DIS3: variants seen among roughly 807,000 people sequenced by gnomAD.
DIS3 encodes the protein exosome complex exonuclease RRP44.
Under a neutral mutation model 113.0 loss-of-function variants are expected in DIS3, and 103 were observed. That is an observed-to-expected ratio of 0.91 (90% CI 0.78 to 1.07). DIS3 has a LOEUF of 1.07. Ranked by LOEUF, DIS3 falls within the 50% of genes least tolerant of loss-of-function variation. The pLI is 0.00. For missense variants in DIS3, 1,121 were observed against 1,167.1 expected, an observed-to-expected ratio of 0.96 and a Z score of 0.58; for synonymous variants, 402 against 394.3, an observed-to-expected ratio of 1.02 and a Z score of -0.23.
chr13:72,761,953 A>G lies in DIS3; in HGVS notation c.2312T>C (p.Ile771Thr), dbSNP rs756881985. Reference sequence around the variant, plus strand: ...AATGGGTGAAGTAAAATGTGTGTATATTGGAGACGCTAAGCCATAGTGATG... The same window carrying G: ...AATGGGTGAAGTAAAATGTGTGTATGTTGGAGACGCTAAGCCATAGTGATG... ...DFHHYGLASP[I>T]YTHFTSPIRR... is the part of the protein sequence containing the mutation. The change falls in exon 17 of 21, where the codon ATA becomes ACA. Residue 771 changes from isoleucine to threonine, a missense_variant. Transcript: ENST00000377767. 4.3e-6 allele frequency: 7 copies of G among 1,614,058 alleles called. No homozygotes were observed. Among genetic ancestry groups the G allele is most frequent in the Middle Eastern group, 1.6e-4 (1 of 6,084 alleles).
intron 19 of DIS3, 77 bp from the exon 20 acceptor site, chr13:72,760,728 T>C (rs2138148345): frequency 6.6e-7 from 1 of 1,507,482 alleles, no homozygotes; most frequent in East Asian, 2.3e-5. Flanking sequence ...ACAATTTATC[T>C]TACATAGTAG....
rs2033340664 is a variant in DIS3 at position 72,753,576 on chromosome 13, T to C, written c.*6219A>G. On this transcript the variant is annotated 3_prime_UTR_variant, in exon 21 of 21. Transcript: ENST00000377767. ...TGAATTTTGTTCAACATGATCAATA[T>C]TACATGTTAGGATCATTCAGATGTA... is the stretch of plus-strand genomic sequence containing the variant. 9.1e-7 allele frequency: 1 copy of C among 1,102,640 alleles called. No individual in the cohort carries two copies. The highest frequency in any genetic ancestry group is 1.3e-6 in the Non-Finnish European group (1 of 772,282). The allele number at this position is 1,102,640 out of a possible 1,614,324, so 68.3% of individuals were successfully genotyped here.
At chr13:72,762,236 G>T in intron 16 of DIS3, 99 bp from the exon 17 acceptor site, 2 of 1,087,118 alleles carry the variant, frequency 1.8e-6, no homozygotes, top group Non-Finnish European at 2.6e-6. Context: ...CAAACATCAT[G>T]TTTTTGTTAT....
At chr13:72,776,121 G>T in intron 4 of DIS3, 29 bp from the exon 5 acceptor site, 1 of 1,566,982 alleles carries the variant, frequency 6.4e-7, no homozygotes, top group Non-Finnish European at 8.6e-7. Flanking sequence ...AAAAGATGCC[G>T]CTAATAAGTC....
intron 2 of DIS3, among the ~76,000 whole-genome samples, chr13:72,778,633 T>A (rs1351035699): frequency 6.6e-6 from 1 of 152,168 alleles, no homozygotes; most frequent in East Asian, 1.9e-4. Context: ...ACAATTTTAT[T>A]TCCTAAAAAG....
chr13:72,781,620 A>T lies in DIS3; in HGVS notation c.213T>A (p.Asn71Lys). The change falls in exon 1 of 21, where the codon AAT becomes AAA. Residue 71 changes from asparagine to lysine, a missense_variant. Asn to Lys is a moderately conservative substitution (Grantham distance 94). Around this residue, in one of 3 missense-constraint regions of DIS3, gnomAD observed 254 missense variants for 232.2 expected, o/e 1.09. Coordinates refer to ENST00000377767, the MANE Select transcript of DIS3 (RefSeq NM_014953.5). ...PQPHYLLPDTNVLLHQIDVLE... is the reference protein window; with the variant it reads ...PQPHYLLPDTKVLLHQIDVLE... The stretch of plus-strand genomic sequence containing the variant: ...GCCCACGCACCTGGTGCAGTAACAC[A>T]TTAGTGTCGGGCAGCAAGTAGTGCG... 6.5e-7 allele frequency: 1 copy of T among 1,534,238 alleles called. No homozygotes were observed. Among genetic ancestry groups the T allele is most frequent in the East Asian group, 2.5e-5 (1 of 40,674 alleles).
At chr13:72,764,757 T>C (rs1240933819) in intron 15 of DIS3, among the ~76,000 whole-genome samples, 1 of 152,174 alleles carries the variant, frequency 6.6e-6, no homozygotes, top group Non-Finnish European at 1.5e-5. Flanking sequence ...AGTATATTCA[T>C]TTTAAAAATA....
At chr13:72,761,164 A>G (rs979269937) in intron 19 of DIS3, among the ~76,000 whole-genome samples, 199 bp downstream of exon 19, 3 of 152,222 alleles carry the variant, frequency 2.0e-5, no homozygotes, top group African/African-American at 7.2e-5. Context: ...ATATGAGAAG[A>G]CATATAGTGG....
intron 2 of DIS3, 104 bp downstream of exon 2, chr13:72,780,742 C>A: frequency 9.1e-7 from 1 of 1,095,864 alleles, no homozygotes; most frequent in Non-Finnish European, 1.3e-6. Flanking sequence ...GGTATGAAAT[C>A]TATCACTTAT....
At chr13:72,775,648 A>C (rs2033995927) in intron 5 of DIS3, among the ~76,000 whole-genome samples, 1 of 152,280 alleles carries the variant, frequency 6.6e-6, no homozygotes, top group African/African-American at 2.4e-5. Flanking sequence ...AAAATTATTT[A>C]TGCTCTCTAA....
chr13:72,769,388 AAATGATAGT>A (rs897066423), intron 13 of DIS3, among the ~76,000 whole-genome samples: 3 of 152,220 alleles, frequency 2.0e-5, no homozygotes, highest in African/African-American at 7.2e-5. Context: ...AAAACCAGAC[AAATGATAGT>A]AGAAAAGAGT....
chr13:72,760,700 G>GT (rs1336640264), intron 19 of DIS3, 49 bp from the exon 20 acceptor site: 1 of 1,592,706 alleles, frequency 6.3e-7, no homozygotes, highest in Non-Finnish European at 8.5e-7. Flanking sequence ...TACATTTGAG[G>GT]CTTTGTTCTA....
intron 15 of DIS3, among the ~76,000 whole-genome samples, chr13:72,765,761 G>T (rs1016657856): frequency 6.6e-6 from 1 of 152,106 alleles, no homozygotes; most frequent in Non-Finnish European, 1.5e-5. Context: ...AATTCAAATT[G>T]AAAGTTTTTC....
At chr13:72,770,335 G>A (rs1012439725) in intron 13 of DIS3, among the ~76,000 whole-genome samples, 4 of 151,692 alleles carry the variant, frequency 2.6e-5, no homozygotes, top group African/African-American at 7.3e-5. Flanking sequence ...TCTATCCTGA[G>A]GGCACAGACC....
chr13:72,759,767 A>C lies in DIS3; in HGVS notation c.*28T>G. 6.3e-7 allele frequency: 1 copy of C among 1,580,004 alleles called. No individual in the cohort carries two copies. The highest frequency in any genetic ancestry group is 8.6e-7 in the Non-Finnish European group (1 of 1,156,358). On this transcript the variant is annotated 3_prime_UTR_variant, in exon 21 of 21. Transcript: ENST00000377767. The stretch of plus-strand genomic sequence containing the variant: ...AGTTTTTTCTTTTAAAAAAGAAACC[A>C]GTCTTTGAAGATTTTTGTTGAATAT...
Position 72,764,076 on chromosome 13 carries a change from C to T in DIS3, c.1971-469G>A, listed in dbSNP as rs538520391. On this transcript the variant is annotated intron_variant, in intron 15 of 20. Coordinates refer to ENST00000377767, the MANE Select transcript of DIS3 (RefSeq NM_014953.5). ...CTGAGGCATGAGAATCACTTGAACC[C>T]GGGAGGTGGAGGTTGCAGTGAGCCG... 2.2e-4 allele frequency among the ~76,000 whole-genome samples: 34 copies of T among 152,076 alleles called. No homozygotes were observed. The South Asian group carries it at 6.0e-3, about 27-fold the overall frequency.
chr13:72,754,076 A>G lies in DIS3; in HGVS notation c.*5719T>C. On this transcript the variant is annotated 3_prime_UTR_variant, in exon 21 of 21. Coordinates refer to ENST00000377767, the MANE Select transcript of DIS3 (RefSeq NM_014953.5). Reference sequence around the variant, plus strand: ...TTACTGAACCTTCCAGGTGGTGGTTATATATTCATACTTGAAGAAACTCAT... The same window carrying G: ...TTACTGAACCTTCCAGGTGGTGGTTGTATATTCATACTTGAAGAAACTCAT... The G allele has an allele frequency of 3.1e-6, 1 of 324,064 alleles. No individual in the cohort carries two copies. The highest frequency in any genetic ancestry group is 6.2e-5 in the East Asian group (1 of 16,174). 20.1% of individuals were successfully genotyped at this position (324,064 alleles called of 1,614,324 possible).
At position 72,756,464 on chromosome 13, in the gene DIS3, T is replaced by C. The variant is rs1214546379; in HGVS notation, c.*3331A>G. 1 of 152,240 alleles carries C rather than the reference T, an allele frequency of 6.6e-6. No individual in the cohort carries two copies. The highest frequency in any genetic ancestry group is 1.5e-5 in the Non-Finnish European group (1 of 68,080). 9.4% of individuals were successfully genotyped at this position (152,240 alleles called of 1,614,324 possible). A position where few individuals can be genotyped will look rare whatever the true frequency, so the allele number is the denominator to read the frequency against. On this transcript the variant is annotated 3_prime_UTR_variant, in exon 21 of 21. Coordinates refer to ENST00000377767, the MANE Select transcript of DIS3 (RefSeq NM_014953.5). Reference sequence around the variant, plus strand: ...GGTAGAAGCCTCACTGGCTACAGTTTTTTAATAGTACAAAAGTCAAGAAAT... The same window carrying C: ...GGTAGAAGCCTCACTGGCTACAGTTCTTTAATAGTACAAAAGTCAAGAAAT...
chr13:72,755,835 A>ATTG lies in DIS3; in HGVS notation c.*3957_*3959dup. On this transcript the variant is annotated 3_prime_UTR_variant, in exon 21 of 21. Transcript: ENST00000377767. ...TAGTACTAGTGACATCATCACGTGT[A>ATTG]TTGTTATCTATGGGGCAAATGTGTG... is the stretch of plus-strand genomic sequence containing the variant. The ATTG allele has an allele frequency of 5.0e-6, 2 of 398,598 alleles. No individual in the cohort carries two copies. Among genetic ancestry groups the ATTG allele is most frequent in the Non-Finnish European group, 8.8e-6 (2 of 226,064 alleles). The allele number at this position is 398,598 out of a possible 1,614,324, so 24.7% of individuals were successfully genotyped here.
Sources: allele counts gnomAD v4.1 joint callset (sites outside exome capture counted in the v4.1 genomes callset), GRCh38; gene constraint gnomAD v4.1.1; regional missense constraint gnomAD v4.1.1; transcripts MANE v1.5; gene names NCBI Gene and HGNC (gene_info 2026-07-23, HGNC 2026-07-21).